Variants in RBPMS observed in about 807,000 individuals in gnomAD.
The protein encoded by RBPMS is RNA binding protein, mRNA processing factor.
A neutral mutation model predicts 26.8 loss-of-function variants in RBPMS; 7 were observed. The ratio of observed to expected loss-of-function variants is 0.26; its 90% CI spans 0.15 to 0.49. The LOEUF is 0.49. Ranked by LOEUF, RBPMS falls within the 20% of genes least tolerant of loss-of-function variation. The pLI, the probability that RBPMS is intolerant of heterozygous loss-of-function variation, is 0.98. For missense variants in RBPMS, 186 were observed against 250.0 expected, an observed-to-expected ratio of 0.74 and a Z score of 1.73; for synonymous variants, 96 against 93.3, an observed-to-expected ratio of 1.03 and a Z score of -0.17.
chr8:30,416,355 A>G (rs945733812), intron 1 of RBPMS, among the ~76,000 whole-genome samples: 1 of 152,092 alleles, frequency 6.6e-6, no homozygotes, highest in Non-Finnish European at 1.5e-5. Context: ...TGCTTGAGAC[A>G]GAGTCTCCCT....
intron 5 of RBPMS, chr8:30,537,476 C>T (rs1585805202): frequency 4.6e-6 from 2 of 436,642 alleles, no homozygotes; most frequent in African/African-American, 4.0e-5. Flanking sequence ...AAGTTAAAGT[C>T]AGTCTGGCTG....
At chr8:30,467,977 T>A (rs1177182622) in intron 1 of RBPMS, among the ~76,000 whole-genome samples, 1 of 143,722 alleles carries the variant, frequency 7.0e-6, no homozygotes, top group African/African-American at 2.5e-5. Flanking sequence ...TATGTATTCC[T>A]TTGATACCTT....
At chr8:30,471,789 C>T (rs1817133793) in intron 1 of RBPMS, among the ~76,000 whole-genome samples, 1 of 152,098 alleles carries the variant, frequency 6.6e-6, no homozygotes, top group Non-Finnish European at 1.5e-5. Context: ...GCAATTCTGC[C>T]TCAGCGAACT....
intron 1 of RBPMS, among the ~76,000 whole-genome samples, chr8:30,463,662 T>C (rs1289835710): frequency 6.6e-6 from 1 of 152,222 alleles, no homozygotes; most frequent in Non-Finnish European, 1.5e-5. Context: ...TAAGCTCCAC[T>C]TCTTTAAGGG....
intron 5 of RBPMS, among the ~76,000 whole-genome samples, chr8:30,529,395 G>C (rs6999866): frequency 3.3e-5 from 5 of 151,638 alleles, no homozygotes; most frequent in Non-Finnish European, 4.4e-5. Context: ...CCAGCTACTC[G>C]GGAGACTGAG....
chr8:30,503,219 C>G (rs1390411273), intron 4 of RBPMS, among the ~76,000 whole-genome samples: 1 of 152,118 alleles, frequency 6.6e-6, no homozygotes, highest in Non-Finnish European at 1.5e-5. Flanking sequence ...AGTTGTTCAT[C>G]CTGGTCTCTA....
At chr8:30,422,839 A>G (rs937550490) in intron 1 of RBPMS, among the ~76,000 whole-genome samples, 2 of 152,238 alleles carry the variant, frequency 1.3e-5, no homozygotes, top group Non-Finnish European at 2.9e-5. Context: ...CAAGTTTATA[A>G]TTCATGGTAT....
chr8:30,483,007 G>C (rs1818440232), intron 4 of RBPMS, among the ~76,000 whole-genome samples: 1 of 152,140 alleles, frequency 6.6e-6, no homozygotes, highest in African/African-American at 2.4e-5. Flanking sequence ...CATGTTGAAG[G>C]GTAAAGATCC....
In RBPMS at chr8:30,531,798, A is replaced by C. The variant is rs569579280; in HGVS notation, c.398-12696A>C. 1.1e-4 allele frequency among the ~76,000 whole-genome samples: 16 copies of C among 149,210 alleles called. No individual in the cohort carries two copies. The East Asian group carries it at 3.1e-3, about 29-fold the overall frequency. On this transcript the variant is annotated intron_variant, in intron 5 of 8. Transcript: ENST00000397323. ...TAAATCTTTGTGATTTTTAGAAGGC[A>C]AAGAGATGGAGAGTAAAAGGAAGAT...
chr8:30,478,440 G>A (rs1817922160), intron 3 of RBPMS, among the ~76,000 whole-genome samples: 3 of 152,078 alleles, frequency 2.0e-5, no homozygotes. Context: ...CTGAAAGATA[G>A]GGAGTCCAAA....
At chr8:30,554,060 G>A (rs182547991) in intron 6 of RBPMS, among the ~76,000 whole-genome samples, 41 of 152,352 alleles carry the variant, frequency 2.7e-4, no homozygotes, top group Non-Finnish European at 3.2e-4. Context: ...ACAGGCATGA[G>A]CCACGGCGCC....
chr8:30,566,207 C>T, intron 7 of RBPMS, 50 bp from the exon 8 acceptor site: 3 of 969,782 alleles, frequency 3.1e-6, no homozygotes, highest in Non-Finnish European at 3.7e-6. Flanking sequence ...GAGGCAGCCC[C>T]AGGTGGAGGT....
intron 1 of RBPMS, chr8:30,386,960 C>T (rs1187967221): frequency 6.6e-6 from 1 of 152,058 alleles, no homozygotes; most frequent in Non-Finnish European, 1.5e-5. Flanking sequence ...TGCTTGACCC[C>T]TCTTAACAGC....
intron 5 of RBPMS, among the ~76,000 whole-genome samples, chr8:30,530,679 C>G (rs2979507): frequency 0.19 from 29,089 of 152,082 alleles, 3,125 homozygotes; most frequent in South Asian, 0.39. Flanking sequence ...TCAGGTTGGT[C>G]TCGAACTCCC....
At position 30,446,843 on chromosome 8, in the gene RBPMS, G is replaced by GCA. The variant is rs1563326520; in HGVS notation, c.67-27935_67-27934insAC. On this transcript the variant is annotated intron_variant, in intron 1 of 8. Coordinates refer to ENST00000397323, the MANE Select transcript of RBPMS (RefSeq NM_001008710.3). ...TGTGTGTGTGTGTGTGTGTGTGTGTGCGCGCGCGCGCGCGCGGTGGAGGGT... is the reference window on the plus strand; with the variant it reads ...TGTGTGTGTGTGTGTGTGTGTGTGTGCACGCGCGCGCGCGCGCGGTGGAGGGT... 6.7e-3 allele frequency: 386 copies of GCA among 57,876 alleles called. 2 individuals carry two copies. Among genetic ancestry groups the GCA allele is most frequent in the African/African-American group, 0.032 (343 of 10,598 alleles). 3.6% of individuals were successfully genotyped at this position (57,876 alleles called of 1,614,324 possible).
At chr8:30,518,458 C>T (rs1210096705) in intron 5 of RBPMS, among the ~76,000 whole-genome samples, 2 of 151,830 alleles carry the variant, frequency 1.3e-5, no homozygotes, top group African/African-American at 4.8e-5. Context: ...CAGAGTCTTG[C>T]TCTGTCTCTT....
At chr8:30,563,634 C>G (rs116125538) in intron 7 of RBPMS, among the ~76,000 whole-genome samples, 1 of 152,144 alleles carries the variant, frequency 6.6e-6, no homozygotes, top group Admixed American at 6.5e-5. Flanking sequence ...GAGAACGTGA[C>G]GGAATTTGGA....
intron 1 of RBPMS, among the ~76,000 whole-genome samples, chr8:30,432,283 C>T (rs1258764454): frequency 6.6e-6 from 1 of 152,206 alleles, no homozygotes; most frequent in African/African-American, 2.4e-5. Flanking sequence ...ATCCCATTGT[C>T]TGATGAGATG....
At chr8:30,502,943 T>A (rs199667316) in intron 4 of RBPMS, among the ~76,000 whole-genome samples, 35,212 of 152,092 alleles carry the variant, frequency 0.23, 4,518 homozygotes, top group East Asian at 0.39. Context: ...ATCTGTTCGC[T>A]TTTTGGTGTT....
Sources: allele counts gnomAD v4.1 joint callset (sites outside exome capture counted in the v4.1 genomes callset), GRCh38; gene constraint gnomAD v4.1.1; transcripts MANE v1.5; gene names NCBI Gene and HGNC (gene_info 2026-07-23, HGNC 2026-07-21).